Variants in ODAPH observed in about 807,000 individuals in gnomAD.
The protein encoded by ODAPH is amelogenesis imperfecta type IIA4.
A neutral mutation model predicts 2.8 loss-of-function variants in ODAPH; 2 were observed. The observed-to-expected ratio is 0.72, with a 90% CI of 0.30 to 2.28. The LOEUF is 2.28. ODAPH is among the 30% of genes most tolerant of loss of function. The pLI is 0.13. For missense variants in ODAPH, 159 were observed against 163.3 expected, an observed-to-expected ratio of 0.97 and a Z score of 0.14; for synonymous variants, 75 against 60.3, an observed-to-expected ratio of 1.24 and a Z score of -1.13.
intron 1 of ODAPH, among the ~76,000 whole-genome samples, chr4:75,557,183 A>G (rs547979896): frequency 1.8e-4 from 27 of 152,344 alleles, no homozygotes; most frequent in Middle Eastern, 3.4e-3. Flanking sequence ...AAGGCCCCCA[A>G]GCCTCACCTA....
At chr4:75,559,716 AACAC>A (rs1448990290) in intron 1 of ODAPH, among the ~76,000 whole-genome samples, 12 of 152,218 alleles carry the variant, frequency 7.9e-5, no homozygotes, top group African/African-American at 2.9e-4. Context: ...CTTATTATTC[AACAC>A]ACTACTCCTG....
At chr4:75,559,150 C>T (rs1727463794) in intron 1 of ODAPH, among the ~76,000 whole-genome samples, 1 of 152,218 alleles carries the variant, frequency 6.6e-6, no homozygotes, top group African/African-American at 2.4e-5. Flanking sequence ...AGGGACTATT[C>T]TAGGTGCTGG....
At chr4:75,562,951 T>C (rs945099176) in intron 1 of ODAPH, among the ~76,000 whole-genome samples, 1 of 151,568 alleles carries the variant, frequency 6.6e-6, no homozygotes, top group African/African-American at 2.4e-5. Flanking sequence ...GTTCTTTTTT[T>C]CAGCTGAATT....
chr4:75,557,011 C>T (rs1469245472), intron 1 of ODAPH, among the ~76,000 whole-genome samples: 3 of 152,206 alleles, frequency 2.0e-5, no homozygotes, highest in South Asian at 2.1e-4. Flanking sequence ...ACAGATTCCC[C>T]GTTCCCATCC....
chr4:75,556,459 T>A (rs1727342623), intron 1 of ODAPH: 14 of 1,214,906 alleles, frequency 1.2e-5, no homozygotes, highest in Non-Finnish European at 1.6e-5. Flanking sequence ...CTATCATCTG[T>A]GAAAAACTCT....
chr4:75,557,815 CTCCATA>C (rs1727398635), intron 1 of ODAPH, among the ~76,000 whole-genome samples: 1 of 152,180 alleles, frequency 6.6e-6, no homozygotes, highest in Admixed American at 6.5e-5. Context: ...ATGTGTGGAT[CTCCATA>C]CTCATCCTCT....
rs1727345109 is a variant in ODAPH at position 75,556,528 on chromosome 4, C to T, written c.67+379C>T. 3 of 1,533,452 alleles carry T rather than the reference C, an allele frequency of 2.0e-6. No individual in the cohort carries two copies. The African/African-American group carries it at 4.1e-5, about 21-fold the overall frequency. 95.0% of individuals were successfully genotyped at this position (1,533,452 alleles called of 1,614,324 possible). On this transcript the variant is annotated intron_variant, in intron 1 of 1. Transcript: ENST00000311623. ...TATGGTTACAAAGCTAACAATTCCA[C>T]TTTGAATTACAGCACTGTCCACTTT...
chr4:75,563,724 C>T (rs1418953582), intron 1 of ODAPH, among the ~76,000 whole-genome samples: 1 of 152,156 alleles, frequency 6.6e-6, no homozygotes, highest in African/African-American at 2.4e-5. Flanking sequence ...GGGATGTATC[C>T]ATGTTGTGGG....
rs1455627958 is a variant in ODAPH at position 75,564,384 on chromosome 4, A to C, written c.338A>C (p.Tyr113Ser). Residue 113 changes from tyrosine to serine, a missense_variant, in exon 2 of 2, where the codon TAT (tyrosine) becomes TCT (serine). Tyr to Ser is a moderately radical substitution (Grantham distance 144). Transcript: ENST00000311623. ...PFYWPHRYLT[Y>S]RYFPRRRLQR... ...TATTGGCCACACCGTTACCTTACTT[A>C]TAGGTATTTCCCCAGAAGAAGACTC... 6.2e-7 allele frequency: 1 copy of C among 1,614,050 alleles called. No individual in the cohort carries two copies. The highest frequency in any genetic ancestry group is 1.1e-5 in the South Asian group (1 of 91,082).
intron 1 of ODAPH, among the ~76,000 whole-genome samples, chr4:75,561,223 C>CAAAAAAA (rs35040152): frequency 9.6e-5 from 6 of 62,680 alleles, no homozygotes; most frequent in African/African-American, 1.2e-4. Context: ...AACTCAATCT[C>CAAAAAAA]AAAAAAAAAA....
In ODAPH at chr4:75,564,250, C is replaced by T. The variant is rs774915989; in HGVS notation, c.204C>T (p.Pro68=). The change falls in exon 2 of 2, where the codon CCC becomes CCT. Residue 68 remains proline (P), a synonymous_variant. Coordinates refer to ENST00000311623, the MANE Select transcript of ODAPH (RefSeq NM_178497.5). Reference sequence around the variant, plus strand: ...GGGCCCAGCCCATCACAAAGACACCCAGGTGTCCCTTCCATTTTTTTCCAC... The same window carrying T: ...GGGCCCAGCCCATCACAAAGACACCTAGGTGTCCCTTCCATTTTTTTCCAC... ...VTRAQPITKT[P]RCPFHFFPRR... is the part of the protein sequence containing the mutation. 19 of 1,614,234 alleles carry T rather than the reference C, an allele frequency of 1.2e-5. No homozygotes were observed. The highest frequency in any genetic ancestry group is 1.6e-5 in the Non-Finnish European group (19 of 1,180,048).
chr4:75,556,558 C>T (rs565228361), intron 1 of ODAPH: 2 of 1,535,142 alleles, frequency 1.3e-6, no homozygotes, highest in East Asian at 2.4e-5. Context: ...CACTTTCTAT[C>T]TCCAGCAGCA....
At chr4:75,561,223 C>CAAAAAACAAAAAAAAAAAAAAAA (rs760206306) in intron 1 of ODAPH, among the ~76,000 whole-genome samples, 3 of 62,694 alleles carry the variant, frequency 4.8e-5, no homozygotes, top group African/African-American at 1.8e-4. Flanking sequence ...AACTCAATCT[C>CAAAAAACAAAAAAAAAAAAAAAA]AAAAAAAAAA....
chr4:75,558,780 C>T (rs1727449764), intron 1 of ODAPH, among the ~76,000 whole-genome samples: 1 of 152,164 alleles, frequency 6.6e-6, no homozygotes, highest in Non-Finnish European at 1.5e-5. Flanking sequence ...ACTGCAACCT[C>T]CGCCTCCTGG....
chr4:75,564,210 G>A lies in ODAPH; in HGVS notation c.164G>A (p.Arg55Lys), dbSNP rs2148846174. Residue 55 changes from arginine (R) to lysine (K), a missense_variant, in exon 2 of 2, where the codon AGG (arginine) becomes AAG (lysine). Transcript: ENST00000311623. Reference protein sequence around the residue: ...IFTLTPPPAPRSPVTRAQPIT... With the variant: ...IFTLTPPPAPKSPVTRAQPIT... ...ACACTCACCCCTCCACCTGCCCCGA[G>A]GAGTCCGGTCACAAGGGCCCAGCCC... 3 of 1,614,200 alleles carry A rather than the reference G, an allele frequency of 1.9e-6. No individual in the cohort carries two copies. The highest frequency in any genetic ancestry group is 2.5e-6 in the Non-Finnish European group (3 of 1,180,048).
chr4:75,563,673 A>G (rs1323269777), intron 1 of ODAPH, among the ~76,000 whole-genome samples: 1 of 152,188 alleles, frequency 6.6e-6, no homozygotes, highest in East Asian at 1.9e-4. Flanking sequence ...GTCGTACAGT[A>G]TGTACATTTC....
At chr4:75,561,259 C>T (rs1578295367) in intron 1 of ODAPH, among the ~76,000 whole-genome samples, 1 of 147,662 alleles carries the variant, frequency 6.8e-6, no homozygotes, top group Admixed American at 6.7e-5. Context: ...ACTAGCTTCT[C>T]TCCTAGCGAC....
chr4:75,564,252 G>C lies in ODAPH; in HGVS notation c.206G>C (p.Arg69Thr). 3.7e-6 allele frequency: 6 copies of C among 1,614,164 alleles called. No homozygotes were observed. Among genetic ancestry groups the C allele is most frequent in the Non-Finnish European group, 5.1e-6 (6 of 1,180,024 alleles). The change falls in exon 2 of 2, where the codon AGG becomes ACG. Residue 69 changes from arginine (R) to threonine (T), a missense_variant. Physicochemically the swap from Arg to Thr is moderately conservative, Grantham distance 71. Coordinates refer to ENST00000311623, the MANE Select transcript of ODAPH (RefSeq NM_178497.5). The stretch of plus-strand genomic sequence containing the variant: ...GCCCAGCCCATCACAAAGACACCCA[G>C]GTGTCCCTTCCATTTTTTTCCACGA... ...TRAQPITKTP[R>T]CPFHFFPRRP...
chr4:75,564,651 C>A lies in ODAPH; in HGVS notation c.*212C>A. ...GATGGTTGCAAAATTGGACAATAAC[C>A]ACGTTATTTTTATCCTCAACCTCTT... On this transcript the variant is annotated 3_prime_UTR_variant, in exon 2 of 2. Coordinates refer to ENST00000311623, the MANE Select transcript of ODAPH (RefSeq NM_178497.5). The A allele has an allele frequency of 1.0e-6, 1 of 989,746 alleles. No individual in the cohort carries two copies. The highest frequency in any genetic ancestry group is 1.5e-6 in the Non-Finnish European group (1 of 688,944). 61.3% of individuals were successfully genotyped at this position (989,746 alleles called of 1,614,324 possible).
Sources: gnomAD v4.1 joint callset for allele counts (sites outside exome capture counted in the v4.1 genomes callset) on GRCh38, gnomAD v4.1.1 for gene constraint, MANE v1.5 for transcripts, NCBI Gene and HGNC (gene_info 2026-07-23, HGNC 2026-07-21) for gene names.